The following RNGTT variants were observed in gnomAD, a reference collection of about 807,000 sequenced individuals.
RNGTT encodes RNA guanylyltransferase and 5'-phosphatase.
Under a neutral mutation model 79.3 loss-of-function variants are expected in RNGTT, and 33 were observed. That is an observed-to-expected ratio of 0.42 (90% CI 0.32 to 0.56). The LOEUF (loss-of-function observed/expected upper bound fraction) is 0.56. Among genes scored for constraint, RNGTT ranks in the 20% least tolerant of loss-of-function variants. The pLI is 0.17. For missense variants in RNGTT, 497 were observed against 739.1 expected (o/e 0.67, Z 3.80); for synonymous variants, 222 against 235.9 (o/e 0.94, Z 0.54).
chr6:88,744,293 C>T (rs995465329), intron 13 of RNGTT, among the ~76,000 whole-genome samples: 1 of 151,784 alleles, frequency 6.6e-6, no homozygotes, highest in African/African-American at 2.4e-5. Flanking sequence ...CAGAGTTTTG[C>T]TCTTGTCATC....
chr6:88,746,700 C>T (rs2127828133), intron 13 of RNGTT, among the ~76,000 whole-genome samples: 1 of 152,332 alleles, frequency 6.6e-6, no homozygotes. Flanking sequence ...GCTCCTCCGC[C>T]ACTTACCTCC....
At chr6:88,647,453 T>C (rs1008271874) in intron 14 of RNGTT, among the ~76,000 whole-genome samples, 2 of 152,016 alleles carry the variant, frequency 1.3e-5, no homozygotes, top group African/African-American at 4.8e-5. Context: ...ATGGGTACAG[T>C]GGCTCATGCC....
intron 8 of RNGTT, among the ~76,000 whole-genome samples, chr6:88,876,073 T>TA (rs141711625): frequency 0.041 from 6,249 of 152,180 alleles, 190 homozygotes; most frequent in African/African-American, 0.077. Context: ...CAAAGATGGG[T>TA]ATAAGAAGAT....
chr6:88,623,482 T>A (rs1772513429), intron 14 of RNGTT, among the ~76,000 whole-genome samples: 1 of 152,028 alleles, frequency 6.6e-6, no homozygotes, highest in Admixed American at 6.6e-5. Context: ...GTCCTCCTGA[T>A]CCCTTCCTCT....
intron 13 of RNGTT, chr6:88,714,129 CTACT>C (rs1776417508): frequency 6.6e-6 from 1 of 152,134 alleles, no homozygotes; most frequent in Admixed American, 6.5e-5. Context: ...CGAAGATACA[CTACT>C]TAGATTAATT....
At chr6:88,639,685 A>T (rs1375655168) in intron 14 of RNGTT, among the ~76,000 whole-genome samples, 1 of 152,146 alleles carries the variant, frequency 6.6e-6, no homozygotes, top group Admixed American at 6.6e-5. Context: ...CCACCACAAT[A>T]CTGAAAAATG....
intron 14 of RNGTT, among the ~76,000 whole-genome samples, chr6:88,658,278 A>G (rs545197141): frequency 1.3e-5 from 2 of 152,346 alleles, no homozygotes; most frequent in African/African-American, 4.8e-5. Context: ...CACCACTAGC[A>G]TAACCACATT....
chr6:88,689,303 A>G (rs9359804), intron 13 of RNGTT, among the ~76,000 whole-genome samples: 1 of 152,010 alleles, frequency 6.6e-6, no homozygotes. Context: ...TACATTTTTT[A>G]AAAAGTCTAT....
At chr6:88,875,797 C>CA (rs967538087) in intron 8 of RNGTT, among the ~76,000 whole-genome samples, 8 of 151,772 alleles carry the variant, frequency 5.3e-5, no homozygotes, top group African/African-American at 1.7e-4. Context: ...CACTAGTATT[C>CA]AAAAAAAACT....
chr6:88,747,703 G>A (rs1168803872), intron 13 of RNGTT, among the ~76,000 whole-genome samples: 15 of 152,156 alleles, frequency 9.9e-5, no homozygotes, highest in Admixed American at 9.8e-4. Flanking sequence ...AACTGGAACT[G>A]ATGGAGACAA....
chr6:88,961,531 G>C (rs1157173547), intron 1 of RNGTT, among the ~76,000 whole-genome samples: 2 of 152,134 alleles, frequency 1.3e-5, no homozygotes, highest in Non-Finnish European at 2.9e-5. Flanking sequence ...CCGTCTCCTG[G>C]GTTCAAGTGA....
At chr6:88,866,624 G>C (rs1303961801) in intron 8 of RNGTT, among the ~76,000 whole-genome samples, 1 of 152,096 alleles carries the variant, frequency 6.6e-6, no homozygotes, top group African/African-American at 2.4e-5. Flanking sequence ...CTAAAGTCCA[G>C]AAAGTAAGGA....
chr6:88,843,763 G>A (rs1172822411), intron 11 of RNGTT, among the ~76,000 whole-genome samples: 3 of 150,630 alleles, frequency 2.0e-5, no homozygotes, highest in Non-Finnish European at 4.4e-5. Flanking sequence ...TCACCATATT[G>A]GCCAGGCTGG....
At chr6:88,921,522 C>CT (rs1453248585) in intron 4 of RNGTT, among the ~76,000 whole-genome samples, 10 of 152,072 alleles carry the variant, frequency 6.6e-5, no homozygotes, top group African/African-American at 2.2e-4. Flanking sequence ...TTCATAGTCC[C>CT]TTATCTGAAA....
chr6:88,635,310 A>G (rs533059916), intron 14 of RNGTT, among the ~76,000 whole-genome samples: 2 of 152,206 alleles, frequency 1.3e-5, no homozygotes, highest in East Asian at 3.9e-4. Context: ...ATTTTAGAAA[A>G]CATGTAGCTG....
At chr6:88,810,953 A>G (rs1780119680) in intron 11 of RNGTT, among the ~76,000 whole-genome samples, 1 of 152,222 alleles carries the variant, frequency 6.6e-6, no homozygotes, top group Admixed American at 6.5e-5. Flanking sequence ...GCCTTGGCCA[A>G]TGTGCCTAAA....
intron 2 of RNGTT, among the ~76,000 whole-genome samples, chr6:88,938,807 T>C (rs900831344): frequency 6.6e-6 from 1 of 152,216 alleles, no homozygotes; most frequent in Non-Finnish European, 1.5e-5. Flanking sequence ...ACCAGTCCAG[T>C]TGTGGTGAAT....
chr6:88,949,158 T>TGAAAAAAAAAAAAAAAAAAAAAAAAAAAA (rs1785144154), intron 1 of RNGTT, among the ~76,000 whole-genome samples: 2 of 18,008 alleles, frequency 1.1e-4, no homozygotes, highest in Non-Finnish European at 2.2e-4. Flanking sequence ...TAAAATAAAA[T>TGAAAAAAAAAAAAAAAAAAAAAAAAAAAA]GAAAAAAAAA....
chr6:88,756,850 G>A (rs138248704), intron 13 of RNGTT, among the ~76,000 whole-genome samples: 51 of 152,322 alleles, frequency 3.3e-4, no homozygotes, highest in African/African-American at 1.1e-3. Context: ...CGGGGAAACT[G>A]TCCAGAGTGA....
Sources: gnomAD v4.1 joint callset for allele counts (sites outside exome capture counted in the v4.1 genomes callset) on GRCh38, gnomAD v4.1.1 for gene constraint, MANE v1.5 for transcripts, NCBI Gene and HGNC (gene_info 2026-07-23, HGNC 2026-07-21) for gene names.